BANP: variants seen among roughly 807,000 people sequenced by gnomAD.
BANP encodes protein BANP.
A neutral mutation model predicts 68.1 loss-of-function variants in BANP; 11 were observed. The observed-to-expected ratio is 0.16, with a 90% CI of 0.10 to 0.27. The LOEUF (loss-of-function observed/expected upper bound fraction) is 0.27, where lower values mean the gene tolerates loss of function less well. Among genes scored for constraint, BANP ranks in the 10% least tolerant of loss-of-function variants. BANP has a pLI of 1.00. For missense variants in BANP, 504 were observed against 722.7 expected (o/e 0.70, Z 3.47); for synonymous variants, 329 against 303.2 (o/e 1.09, Z -0.88).
chr16:88,027,371 GC>G (rs2077205124), intron 7 of BANP, 111 bp from the exon 8 acceptor site: 1 of 1,189,298 alleles, frequency 8.4e-7, no homozygotes, highest in African/African-American at 1.5e-5. Context: ...GGCCTGGCGG[GC>G]TGGGGTGCCT....
intron 6 of BANP, among the ~76,000 whole-genome samples, chr16:88,007,008 A>G (rs573462398): frequency 3.4e-4 from 51 of 152,126 alleles, no homozygotes; most frequent in African/African-American, 1.2e-3. Flanking sequence ...TTAAAGGGAA[A>G]ATAACTGTGA....
chr16:87,975,712 T>A (rs867866081), intron 2 of BANP, among the ~76,000 whole-genome samples: 30 of 150,632 alleles, frequency 2.0e-4, no homozygotes, highest in Middle Eastern at 6.8e-3. Context: ...TAATCCCCTG[T>A]GCGTGGCGTC....
At chr16:88,068,287 C>T (rs763123019) in intron 12 of BANP, among the ~76,000 whole-genome samples, 5 of 152,224 alleles carry the variant, frequency 3.3e-5, no homozygotes, top group African/African-American at 4.8e-5. Context: ...ACCTGGTTGG[C>T]GTGAACCTTG....
At chr16:87,960,003 C>G in intron 1 of BANP, 1 of 152,624 alleles carries the variant, frequency 6.6e-6, no homozygotes, top group East Asian at 1.9e-4. Context: ...GGTGAGAGGT[C>G]AAGGCAGGAG....
intron 4 of BANP, among the ~76,000 whole-genome samples, chr16:87,988,571 C>T (rs1483546175): frequency 2.0e-5 from 3 of 152,090 alleles, no homozygotes; most frequent in Non-Finnish European, 4.4e-5. Flanking sequence ...GGCCGGGACT[C>T]AAATATTTTG....
intron 8 of BANP, among the ~76,000 whole-genome samples, chr16:88,032,285 T>A (rs1433092236): frequency 6.6e-6 from 1 of 150,756 alleles, no homozygotes; most frequent in Admixed American, 6.6e-5. Context: ...CATTACAACC[T>A]CCGCCTCCCA....
chr16:88,064,604 G>A lies in BANP; in HGVS notation c.1312-663G>A, dbSNP rs1282304726. On this transcript the variant is annotated intron_variant, in intron 11 of 13. Transcript: ENST00000682872. This position sits in a 1 kb window ranked among gnomAD's most constrained non-coding sequence, Gnocchi z 4.5. ...AGGCTGGGCGCCTGTGTGGCACCAC[G>A]TGGCACTCCCCGAGGAGGCCTGGGG... 4.6e-5 allele frequency among the ~76,000 whole-genome samples: 7 copies of A among 152,234 alleles called. No homozygotes were observed. Among genetic ancestry groups the A allele is most frequent in the Non-Finnish European group, 1.0e-4 (7 of 68,042 alleles).
chr16:88,017,829 C>A (rs1325761794), intron 6 of BANP, among the ~76,000 whole-genome samples: 1 of 152,232 alleles, frequency 6.6e-6, no homozygotes, highest in African/African-American at 2.4e-5. Flanking sequence ...CATTCCCACA[C>A]CTGAATGCGC....
intron 11 of BANP, among the ~76,000 whole-genome samples, chr16:88,063,771 C>T (rs1019382676): frequency 4.6e-5 from 7 of 152,182 alleles, no homozygotes; most frequent in Non-Finnish European, 2.9e-5. Flanking sequence ...CAAGACTTCT[C>T]ACATGATCTG....
At chr16:87,985,825 C>G (rs1273825912) in intron 4 of BANP, among the ~76,000 whole-genome samples, 2 of 152,176 alleles carry the variant, frequency 1.3e-5, no homozygotes, top group Non-Finnish European at 2.9e-5. Flanking sequence ...TGAGCAGTTC[C>G]TAATGAACTT....
chr16:88,042,454 C>T (rs1025629904), intron 11 of BANP, among the ~76,000 whole-genome samples: 9 of 152,188 alleles, frequency 5.9e-5, no homozygotes, highest in Non-Finnish European at 1.0e-4. Context: ...TTGCCAGCTG[C>T]CCAGCCATGA....
At chr16:88,050,149 TCTAG>T (rs1293552267) in intron 11 of BANP, among the ~76,000 whole-genome samples, 1 of 152,196 alleles carries the variant, frequency 6.6e-6, no homozygotes, top group Non-Finnish European at 1.5e-5. Context: ...CAAGATGCTA[TCTAG>T]CTAGCTAGCC....
intron 7 of BANP, among the ~76,000 whole-genome samples, chr16:88,019,335 C>T (rs1307117226): frequency 6.6e-6 from 1 of 152,086 alleles, no homozygotes; most frequent in Non-Finnish European, 1.5e-5. Context: ...CAGAAGCCGT[C>T]CTCCTGGCTT....
chr16:88,040,316 C>T (rs1351212242), intron 11 of BANP, among the ~76,000 whole-genome samples: 5 of 151,190 alleles, frequency 3.3e-5, no homozygotes, highest in South Asian at 2.1e-4. Flanking sequence ...ACACCCTGCT[C>T]ATGCAGGCTT....
intron 11 of BANP, among the ~76,000 whole-genome samples, chr16:88,042,634 A>C (rs530424516): frequency 4.6e-5 from 7 of 152,348 alleles, no homozygotes; most frequent in Admixed American, 1.3e-4. Context: ...TATTTAAAAA[A>C]AATGTTTTGT....
At position 88,072,182 on chromosome 16, in the gene BANP, G is replaced by A. The variant is rs778532846; in HGVS notation, c.1491G>A (p.Ala497=). ...TCCAGGTTCAGTACGTGCAGCTGGC[G>A]CCAGTGAGTGACCACACGGCCGGGG... is the stretch of plus-strand genomic sequence containing the variant. ...SDIQVQYVQL[A]PVSDHTAGAQ... is the part of the protein sequence containing the mutation. Residue 497 remains alanine, a synonymous_variant, in exon 13 of 14, where the codon GCG becomes GCA. Transcript: ENST00000682872. The A allele has an allele frequency of 5.2e-5, 84 of 1,610,958 alleles. No homozygotes were observed. The Middle Eastern group carries it at 5.6e-4, about 11-fold the overall frequency.
chr16:87,954,673 C>A (rs954869284), intron 1 of BANP, among the ~76,000 whole-genome samples: 26 of 152,280 alleles, frequency 1.7e-4, no homozygotes, highest in African/African-American at 6.3e-4. Flanking sequence ...CGGGTTTGGC[C>A]TGCCCGCAGG....
rs151158676 is a variant in BANP at position 88,010,868 on chromosome 16, A to C, written c.655+4603A>C. On this transcript the variant is annotated intron_variant, in intron 6 of 13. Transcript: ENST00000682872. ...GCCACGCTATGCTGTGCCGATTCAC[A>C]CACCTCGCAGTGCACGGAATGCCAT... is the stretch of plus-strand genomic sequence containing the variant. Among the ~76,000 whole-genome samples the C allele has an allele frequency of 8.1e-3, 1,160 of 142,822 alleles. 22 individuals are homozygous for C. Among genetic ancestry groups the C allele is most frequent in the African/African-American group, 0.028 (1,102 of 38,760 alleles). 93.7% of individuals were successfully genotyped at this position (142,822 alleles called of 152,430 possible).
chr16:88,040,725 C>G (rs146218923), intron 11 of BANP, among the ~76,000 whole-genome samples: 67 of 152,356 alleles, frequency 4.4e-4, no homozygotes, highest in African/African-American at 1.5e-3. Flanking sequence ...TCCCGGAGGC[C>G]CTTGGCCTGC....
Sources: gnomAD v4.1 joint callset for allele counts (sites outside exome capture counted in the v4.1 genomes callset) on GRCh38, gnomAD v4.1.1 for gene constraint, Gnocchi (gnomAD v3.1) non-coding constraint, MANE v1.5 for transcripts, NCBI Gene and HGNC (gene_info 2026-07-23, HGNC 2026-07-21) for gene names.